Variants in LRRC42 observed in about 807,000 individuals in gnomAD.
LRRC42 encodes leucine rich repeat containing 42.
Under a neutral mutation model 44.3 loss-of-function variants are expected in LRRC42, and 43 were observed. That is an observed-to-expected ratio of 0.97 (90% CI 0.76 to 1.25). LRRC42 has a LOEUF of 1.25. LRRC42 is among the 50% of genes most tolerant of loss of function. The pLI, the probability that LRRC42 is intolerant of heterozygous loss-of-function variation, is 0.00. For missense variants in LRRC42, 540 were observed against 509.1 expected (o/e 1.06, Z -0.58); for synonymous variants, 207 against 195.2 (o/e 1.06, Z -0.50).
rs1655166344 is a variant in LRRC42 at position 53,967,749 on chromosome 1, A to G, written c.1097A>G (p.Tyr366Cys). 2 of 1,614,220 alleles carry G rather than the reference A, an allele frequency of 1.2e-6. No homozygotes were observed. Among genetic ancestry groups the G allele is most frequent in the South Asian group, 1.1e-5 (1 of 91,090 alleles). ...AACTCTTCCGAGAAACTCCAGTTCTATAAAGAGAAAGCCCCAGATTGCCAT... is the reference window on the plus strand; with the variant it reads ...AACTCTTCCGAGAAACTCCAGTTCTGTAAAGAGAAAGCCCCAGATTGCCAT... ...HMNSSEKLQF[Y>C]KEKAPDCHGP... Residue 366 changes from tyrosine (Y) to cysteine (C), a missense_variant, in exon 9 of 9, where the codon TAT becomes TGT. By Grantham distance (194) the Tyr-to-Cys change is radical (BLOSUM62 -2). Coordinates refer to ENST00000371370, the MANE Select transcript of LRRC42 (RefSeq NM_001256409.2).
intron 1 of LRRC42, among the ~76,000 whole-genome samples, chr1:53,946,854 G>C (rs1428931618): frequency 1.3e-5 from 2 of 151,348 alleles, no homozygotes; most frequent in African/African-American, 4.9e-5. Context: ...AAGAAGGAAG[G>C]GGGAAGGGAA....
chr1:53,967,651 C>T lies in LRRC42; in HGVS notation c.1013-14C>T. The T allele has an allele frequency of 6.2e-7, 1 of 1,612,612 alleles. No individual in the cohort carries two copies. Among genetic ancestry groups the T allele is most frequent in the Non-Finnish European group, 8.5e-7 (1 of 1,179,022 alleles). On this transcript the variant is annotated splice_polypyrimidine_tract_variant and intron_variant, in intron 8 of 8. Transcript: ENST00000371370. ...CCAGTGTAGTGAACTCATCATCCCT[C>T]CCTTCTGTCACAGATGGGAAGCGGT...
At position 53,963,174 on chromosome 1, in the gene LRRC42, A is replaced by G. The variant is rs181487456; in HGVS notation, c.927+765A>G. Among the ~76,000 whole-genome samples the G allele has an allele frequency of 1.3e-3, 200 of 152,312 alleles. 1 individual carries two copies. The highest frequency in any genetic ancestry group is 3.4e-3 in the Middle Eastern group (1 of 294). On this transcript the variant is annotated intron_variant, in intron 7 of 8. Transcript: ENST00000371370. ...AGCCATAATGCAGGATGGTAGAACT[A>G]TCCACCTGCTGGATTGTAGCGTCAC...
At position 53,949,240 on chromosome 1, in the gene LRRC42, C is replaced by G. The variant is rs2235545; in HGVS notation, c.-15+1419C>G. ...CCCTCTGCTGGATGGAATCAGACTTCTAGTTTTCATCTGAAGTGGTCACCC... is the reference window on the plus strand; with the variant it reads ...CCCTCTGCTGGATGGAATCAGACTTGTAGTTTTCATCTGAAGTGGTCACCC... On this transcript the variant is annotated intron_variant, in intron 2 of 8. Transcript: ENST00000371370. Among the ~76,000 whole-genome samples the G allele has an allele frequency of 7.1e-4, 108 of 152,198 alleles. 1 individual carries two copies. The East Asian group carries it at 0.02, about 29-fold the overall frequency.
chr1:53,951,746 G>C (rs1654687793), intron 2 of LRRC42, among the ~76,000 whole-genome samples: 1 of 152,180 alleles, frequency 6.6e-6, no homozygotes, highest in South Asian at 2.1e-4. Flanking sequence ...TTTGAAAGAA[G>C]AGTGGGAGAT....
At chr1:53,960,224 G>T (rs1434716808) in intron 4 of LRRC42, 132 bp from the exon 5 acceptor site, 2 of 637,048 alleles carry the variant, frequency 3.1e-6, no homozygotes, top group East Asian at 5.5e-5. Flanking sequence ...TTTGTTAAAT[G>T]CATTGGGTAT....
chr1:53,962,166 T>C (rs1465269221), intron 6 of LRRC42, 44 bp downstream of exon 6: 1 of 1,538,372 alleles, frequency 6.5e-7, no homozygotes. Flanking sequence ...GACTCAACAA[T>C]TTGATATTTT....
At position 53,966,100 on chromosome 1, in the gene LRRC42, G is replaced by A. The variant is rs1281605959; in HGVS notation, c.928-196G>A. ...GCAGATACATATATCCAACGTGTTT[G>A]CATTCTGACTCAACTCCTGCATTAG... On this transcript the variant is annotated intron_variant, in intron 7 of 8. Transcript: ENST00000371370. 2.6e-5 allele frequency among the ~76,000 whole-genome samples: 4 copies of A among 152,194 alleles called. 1 individual carries two copies. Among genetic ancestry groups the A allele is most frequent in the Admixed American group, 2.6e-4 (4 of 15,280 alleles).
intron 4 of LRRC42, among the ~76,000 whole-genome samples, chr1:53,959,817 C>T (rs1654945712): frequency 6.6e-6 from 1 of 152,132 alleles, no homozygotes; most frequent in Non-Finnish European, 1.5e-5. Context: ...AGTCCATTTA[C>T]CTCATTCAAC....
intron 3 of LRRC42, among the ~76,000 whole-genome samples, chr1:53,956,105 A>G (rs1249118752): frequency 6.6e-6 from 1 of 152,236 alleles, no homozygotes; most frequent in African/African-American, 2.4e-5. Context: ...CTGCAGTCCA[A>G]GAGGTTTTGT....
chr1:53,963,589 G>T (rs920247626), intron 7 of LRRC42, among the ~76,000 whole-genome samples: 1 of 152,184 alleles, frequency 6.6e-6, no homozygotes, highest in East Asian at 1.9e-4. Flanking sequence ...TAGCAGCCTG[G>T]CCTGAGAGTA....
rs371996416 is a variant in LRRC42 at position 53,952,047 on chromosome 1, C to T, written c.48C>T (p.Ile16=). The change falls in exon 3 of 9, where the codon ATC becomes ATT. Residue 16 remains isoleucine, a synonymous_variant. Coordinates refer to ENST00000371370, the MANE Select transcript of LRRC42 (RefSeq NM_001256409.2). ...SSENHLDPGP[I]YMRENGQLHM... is the part of the protein sequence containing the mutation. ...AAAACCACCTGGACCCAGGGCCCAT[C>T]TACATGCGAGAAAATGGGCAGCTGC... 2 of 1,614,218 alleles carry T rather than the reference C, an allele frequency of 1.2e-6. No homozygotes were observed. The highest frequency in any genetic ancestry group is 2.2e-5 in the South Asian group (2 of 91,088).
intron 3 of LRRC42, among the ~76,000 whole-genome samples, chr1:53,956,098 C>T (rs1654830190): frequency 6.6e-6 from 1 of 152,154 alleles, no homozygotes; most frequent in Admixed American, 6.5e-5. Flanking sequence ...GCTGTAGCTG[C>T]AGTCCAAGAG....
chr1:53,954,351 A>G (rs184943159), intron 3 of LRRC42, among the ~76,000 whole-genome samples: 6 of 152,370 alleles, frequency 3.9e-5, no homozygotes, highest in African/African-American at 4.8e-5. Flanking sequence ...GCCAGTGGAA[A>G]GGAAAAAAAT....
In LRRC42 at chr1:53,952,252, T is replaced by A; in HGVS notation, c.253T>A (p.Ser85Thr). ...TYTREGNLRY[S>T]AKSLFSLVLG... ...CACCCGAGAGGGGAATCTTCGGTAC[T>A]CCGCCAAATCCCTCTTCAGCCTTGT... The change falls in exon 3 of 9, where the codon TCC becomes ACC. Residue 85 changes from serine (S) to threonine (T), a missense_variant. Transcript: ENST00000371370. The A allele has an allele frequency of 6.2e-7, 1 of 1,614,268 alleles. No homozygotes were observed. The highest frequency in any genetic ancestry group is 8.5e-7 in the Non-Finnish European group (1 of 1,180,046).
Position 53,958,156 on chromosome 1 carries a change from G to T in LRRC42, c.481G>T (p.Val161Leu). ...CSLCLRNRYL[V>L]ISEKLEEIKS... The stretch of plus-strand genomic sequence containing the variant: ...GCTCTCCACGCTCCGTAGGTATCTC[G>T]TGATTTCAGAAAAGCTTGAGGAGAT... The change falls in exon 4 of 9, where the codon GTG (valine) becomes TTG (leucine). Residue 161 changes from valine (V) to leucine (L), a missense_variant. Transcript: ENST00000371370. The T allele has an allele frequency of 6.2e-7, 1 of 1,613,642 alleles. No individual in the cohort carries two copies. Among genetic ancestry groups the T allele is most frequent in the Non-Finnish European group, 8.5e-7 (1 of 1,179,714 alleles).
intron 7 of LRRC42, among the ~76,000 whole-genome samples, chr1:53,963,827 AACAAG>A (rs1400355123): frequency 6.6e-6 from 1 of 152,182 alleles, no homozygotes; most frequent in East Asian, 1.9e-4. Flanking sequence ...TATCCGAGAG[AACAAG>A]TATGCTCCTT....
chr1:53,958,117 G>A, intron 3 of LRRC42, 32 bp from the exon 4 acceptor site: 1 of 1,611,726 alleles, frequency 6.2e-7, no homozygotes, highest in Non-Finnish European at 8.5e-7. Context: ...AGTAGTGAGG[G>A]GAAGCTATTG....
At chr1:53,964,252 C>G (rs1434317934) in intron 7 of LRRC42, among the ~76,000 whole-genome samples, 2 of 152,106 alleles carry the variant, frequency 1.3e-5, no homozygotes, top group African/African-American at 2.4e-5. Context: ...TCTCCTGGCT[C>G]TCCCCCAACT....
Sources: gnomAD v4.1 joint callset for allele counts (sites outside exome capture counted in the v4.1 genomes callset) on GRCh38, gnomAD v4.1.1 for gene constraint, MANE v1.5 for transcripts, NCBI Gene and HGNC (gene_info 2026-07-23, HGNC 2026-07-21) for gene names.